The following TCF7L2 variants were observed in gnomAD, a reference collection of about 807,000 sequenced individuals.
The protein encoded by TCF7L2 is transcription factor 7-like 2.
Under a neutral mutation model 77.9 loss-of-function variants are expected in TCF7L2, and 23 were observed. The ratio of observed to expected loss-of-function variants is 0.30; its 90% CI spans 0.21 to 0.42. TCF7L2 has a LOEUF of 0.42. Among genes scored for constraint, TCF7L2 ranks in the 10% least tolerant of loss-of-function variants. The pLI, the probability that TCF7L2 is intolerant of heterozygous loss-of-function variation, is 1.00. For missense variants in TCF7L2, 654 were observed against 793.1 expected (o/e 0.82, Z 2.11); for synonymous variants, 413 against 340.2 (o/e 1.21, Z -2.36).
At chr10:113,112,881 T>A (rs900748852) in intron 5 of TCF7L2, among the ~76,000 whole-genome samples, 3 of 152,144 alleles carry the variant, frequency 2.0e-5, no homozygotes, top group Non-Finnish European at 4.4e-5. Context: ...CTCCTCCTTT[T>A]AAAAAGAATA....
At chr10:113,132,644 G>A (rs1385391086) in intron 5 of TCF7L2, among the ~76,000 whole-genome samples, 5 of 152,130 alleles carry the variant, frequency 3.3e-5, no homozygotes, top group South Asian at 2.1e-4. Context: ...TTTCTGGCTC[G>A]ATTTTGAAGA....
intron 5 of TCF7L2, among the ~76,000 whole-genome samples, chr10:113,070,054 A>G (rs2057754660): frequency 2.0e-5 from 3 of 151,866 alleles, no homozygotes; most frequent in Non-Finnish European, 4.4e-5. Flanking sequence ...TCAGGAGATC[A>G]AGACCAGCCT....
chr10:113,020,758 G>A (rs181447813), intron 4 of TCF7L2, among the ~76,000 whole-genome samples: 3 of 152,230 alleles, frequency 2.0e-5, no homozygotes, highest in African/African-American at 2.4e-5. Flanking sequence ...TGTTTTGGGA[G>A]GTAGAGGGGG....
chr10:112,951,154 C>T, intron 1 of TCF7L2, 53 bp from the exon 2 acceptor site: 2 of 1,491,980 alleles, frequency 1.3e-6, no homozygotes, highest in South Asian at 1.2e-5. Flanking sequence ...CCCTTCTCCC[C>T]CTTCTGCGTG....
intron 4 of TCF7L2, among the ~76,000 whole-genome samples, chr10:113,032,995 G>T (rs1435275044): frequency 6.6e-6 from 1 of 152,124 alleles, no homozygotes; most frequent in African/African-American, 2.4e-5. Context: ...TCACACAGAT[G>T]CCTTGATATC....
rs373780198 is a variant in TCF7L2, at chr10:113,050,998, A to AT, written c.552+10883dup. 2.2e-3 allele frequency among the ~76,000 whole-genome samples: 328 copies of AT among 146,338 alleles called. 1 individual carries two copies. Among genetic ancestry groups the AT allele is most frequent in the African/African-American group, 6.4e-3 (256 of 39,942 alleles). On this transcript the variant is annotated intron_variant, in intron 5 of 13. Transcript: ENST00000627217. The stretch of plus-strand genomic sequence containing the variant: ...CTGAAGCTGACATCTGTCTCTACAC[A>AT]TTTTTTTTTTTCTGATAATGGCATT...
chr10:113,109,658 T>C (rs1441610417), intron 5 of TCF7L2, among the ~76,000 whole-genome samples: 3 of 152,210 alleles, frequency 2.0e-5, no homozygotes, highest in East Asian at 1.9e-4. Flanking sequence ...CCCAAACTGC[T>C]GGGATTACAG....
chr10:113,143,052 C>CT (rs2068663433), intron 6 of TCF7L2, among the ~76,000 whole-genome samples: 1 of 152,170 alleles, frequency 6.6e-6, no homozygotes. Context: ...CTCCATTACT[C>CT]TGTTTTAATT....
chr10:113,058,055 T>C lies in TCF7L2; in HGVS notation c.552+17929T>C, dbSNP rs563125908. ...AATAGAAGCTTCTGGCAGGAAGAAG[T>C]TAATGTCTTGCGTGTGCCCTATGTA... On this transcript the variant is annotated intron_variant, in intron 5 of 13. Coordinates refer to ENST00000627217, the MANE Select transcript of TCF7L2 (RefSeq NM_001146274.2). Among the ~76,000 whole-genome samples, 242 of 152,170 alleles carry C rather than the reference T, an allele frequency of 1.6e-3. 3 individuals carry two copies. The highest frequency in any genetic ancestry group is 2.9e-3 in the Non-Finnish European group (195 of 68,014).
chr10:113,162,574 G>T (rs982165302), intron 13 of TCF7L2, among the ~76,000 whole-genome samples: 6 of 152,152 alleles, frequency 3.9e-5, no homozygotes, highest in African/African-American at 9.7e-5. Flanking sequence ...TTTCTAAAAT[G>T]CATCTTGGAG....
At chr10:113,084,739 A>T (rs941567399) in intron 5 of TCF7L2, among the ~76,000 whole-genome samples, 3 of 152,008 alleles carry the variant, frequency 2.0e-5, no homozygotes, top group African/African-American at 7.3e-5. Context: ...TACCAAAAAA[A>T]ATACAAACAT....
chr10:113,148,757 A>G (rs1323487006), intron 8 of TCF7L2, among the ~76,000 whole-genome samples: 2 of 152,218 alleles, frequency 1.3e-5, no homozygotes, highest in Non-Finnish European at 1.5e-5. Context: ...TTCTTAAGCG[A>G]AGGTATGTGT....
intron 8 of TCF7L2, among the ~76,000 whole-genome samples, chr10:113,146,772 A>G (rs1265319561): frequency 6.6e-6 from 1 of 152,150 alleles, no homozygotes; most frequent in Non-Finnish European, 1.5e-5. Flanking sequence ...GAGCTTTGGT[A>G]CAAAATCTGA....
intron 4 of TCF7L2, among the ~76,000 whole-genome samples, chr10:112,986,695 C>T (rs1182051564): frequency 6.6e-6 from 1 of 152,172 alleles, no homozygotes. Flanking sequence ...TGTATTAGAG[C>T]ATTTTCTGTG....
intron 13 of TCF7L2, chr10:113,161,477 T>C: frequency 7.7e-7 from 1 of 1,304,106 alleles, no homozygotes; most frequent in South Asian, 1.3e-5. Context: ...GTGTAGGTAC[T>C]TCCTTCTTGG....
intron 5 of TCF7L2, among the ~76,000 whole-genome samples, chr10:113,139,166 T>C (rs907123205): frequency 6.6e-6 from 1 of 152,136 alleles, no homozygotes; most frequent in Non-Finnish European, 1.5e-5. Flanking sequence ...TGTCAGCGGG[T>C]ATGTATCTTT....
chr10:113,134,898 A>G (rs916726355), intron 5 of TCF7L2, among the ~76,000 whole-genome samples: 1 of 152,190 alleles, frequency 6.6e-6, no homozygotes, highest in African/African-American at 2.4e-5. Flanking sequence ...CAGAGCTCCT[A>G]AAGGCACTTT....
intron 4 of TCF7L2, among the ~76,000 whole-genome samples, chr10:113,022,207 T>C (rs1039725219): frequency 1.3e-5 from 2 of 152,208 alleles, no homozygotes; most frequent in Non-Finnish European, 2.9e-5. Context: ...TGCTGCCAGG[T>C]TTCACCCAAA....
At chr10:113,143,902 A>C in intron 6 of TCF7L2, 21 bp from the exon 7 acceptor site, 1 of 1,600,638 alleles carries the variant, frequency 6.2e-7, no homozygotes. Flanking sequence ...TTTGTACCTA[A>C]AATGCTGCTT....
Sources: gnomAD v4.1 joint callset for allele counts (sites outside exome capture counted in the v4.1 genomes callset) on GRCh38, gnomAD v4.1.1 for gene constraint, MANE v1.5 for transcripts, NCBI Gene and HGNC (gene_info 2026-07-23, HGNC 2026-07-21) for gene names.